The following LY75 variants were observed in gnomAD, a reference collection of about 807,000 sequenced individuals.
LY75 encodes C-type lectin domain family 13 member B.
Under a neutral mutation model 231.7 loss-of-function variants are expected in LY75, and 185 were observed. That is an observed-to-expected ratio of 0.80 (90% CI 0.71 to 0.90). LY75 has a LOEUF of 0.90. LY75 is among the 40% of genes least tolerant of loss of function. The pLI is 0.00. For synonymous variants in LY75, 668 were observed against 689.0 expected, an observed-to-expected ratio of 0.97 and a Z score of 0.48; for missense variants, 1,947 against 2,050.2, an observed-to-expected ratio of 0.95 and a Z score of 0.97.
intron 28 of LY75, among the ~76,000 whole-genome samples, 193 bp from the exon 29 acceptor site, chr2:159,820,113 A>G (rs1355179362): frequency 6.6e-6 from 1 of 152,232 alleles, no homozygotes; most frequent in African/African-American, 2.4e-5. Flanking sequence ...TTTGAATATA[A>G]ATACAAACTA....
Position 159,805,199 on chromosome 2 carries a change from T to C in LY75, c.5014A>G (p.Ile1672Val), listed in dbSNP as rs760473440. Residue 1672 changes from isoleucine to valine, a missense_variant, in exon 35 of 35, where the codon ATC becomes GTC. Physicochemically the swap from Ile to Val is conservative, Grantham distance 29 (BLOSUM62 3). Transcript: ENST00000263636. Reference sequence around the variant, plus strand: ...AAGATACTTAGTGTGGCAACTATGATAGCTATTGCTGTGTAATCAGGGCCT... The same window carrying C: ...AAGATACTTAGTGTGGCAACTATGACAGCTATTGCTGTGTAATCAGGGCCT... ...PLGPDYTAIAIIVATLSILVL... is the reference protein window; with the variant it reads ...PLGPDYTAIAVIVATLSILVL... The C allele has an allele frequency of 5.6e-6, 9 of 1,614,092 alleles. No individual in the cohort carries two copies. Among genetic ancestry groups the C allele is most frequent in the South Asian group, 4.4e-5 (4 of 91,066 alleles).
intron 14 of LY75, 92 bp from the exon 15 acceptor site, chr2:159,860,981 C>A: frequency 7.4e-7 from 1 of 1,352,226 alleles, no homozygotes; most frequent in South Asian, 1.2e-5. Flanking sequence ...CACTCAAGTG[C>A]GTTGATATGC....
At chr2:159,898,491 C>T (rs1469998706) in intron 2 of LY75, among the ~76,000 whole-genome samples, 197 bp downstream of exon 2, 1 of 152,166 alleles carries the variant, frequency 6.6e-6, no homozygotes, top group African/African-American at 2.4e-5. Context: ...TCTCTCTTAG[C>T]CTTACCTGCA....
intron 11 of LY75, 131 bp downstream of exon 11, chr2:159,878,193 C>A (rs1217033466): frequency 4.0e-6 from 5 of 1,261,794 alleles, no homozygotes. Flanking sequence ...TTTATGGTTC[C>A]ATAGATAGAC....
intron 8 of LY75, 158 bp from the exon 9 acceptor site, chr2:159,879,527 G>T: frequency 1.8e-6 from 1 of 562,750 alleles, no homozygotes; most frequent in Non-Finnish European, 2.3e-6. Flanking sequence ...CTACTCAACA[G>T]GCCTGCAAAG....
chr2:159,840,970 A>AAAC lies in LY75; in HGVS notation c.3281-18_3281-16dup, dbSNP rs371419571. 31 of 1,610,396 alleles carry AAAC rather than the reference A, an allele frequency of 1.9e-5. No homozygotes were observed. Among genetic ancestry groups the AAAC allele is most frequent in the African/African-American group, 2.7e-5 (2 of 74,802 alleles). On this transcript the variant is annotated splice_polypyrimidine_tract_variant and intron_variant, in intron 24 of 34. Transcript: ENST00000263636. The stretch of plus-strand genomic sequence containing the variant: ...GCTTTTAACTTCTGCATGTAAAAGA[A>AAAC]AACAACAACAACAACAAACCCTTCC...
Position 159,858,529 on chromosome 2 carries a change from G to A in LY75, c.2269-53C>T, listed in dbSNP as rs538576530. 5.1e-5 allele frequency: 79 copies of A among 1,556,682 alleles called. 1 individual carries two copies. The African/African-American group carries it at 1.0e-3, about 20-fold the overall frequency. On this transcript the variant is annotated intron_variant, in intron 15 of 34. Transcript: ENST00000263636. ...TTTTGAAGTTGATACATCCCTTATG[G>A]AACACTAAACTGTAAGCCCTATGAC...
intron 23 of LY75, among the ~76,000 whole-genome samples, chr2:159,849,741 T>C (rs1290224186): frequency 6.6e-6 from 1 of 152,106 alleles, no homozygotes; most frequent in East Asian, 1.9e-4. Context: ...ACCCCATAAA[T>C]CTTAGAACAT....
In LY75 at chr2:159,882,114, A is replaced by T. The variant is rs912336092; in HGVS notation, c.1246+10T>A. On this transcript the variant is annotated intron_variant, in intron 7 of 34. Transcript: ENST00000263636. ...TAAGCCTCTCAAATAGGGTATTTTT[A>T]AAAACTTACCCTCATTATGGAGTTT... 1.9e-6 allele frequency: 3 copies of T among 1,606,368 alleles called. No homozygotes were observed. The highest frequency in any genetic ancestry group is 1.7e-6 in the Non-Finnish European group (2 of 1,176,344).
chr2:159,880,984 A>C (rs2729712), intron 8 of LY75, 99 bp downstream of exon 8: 1,368,828 of 1,445,728 alleles, frequency 0.95, 652,367 homozygotes, highest in East Asian at 1. Context: ...CTTACCTTTT[A>C]TTTTCCAGCT....
chr2:159,860,369 A>T (rs1684668246), intron 15 of LY75, among the ~76,000 whole-genome samples: 1 of 152,132 alleles, frequency 6.6e-6, no homozygotes, highest in African/African-American at 2.4e-5. Flanking sequence ...CACCAATGAA[A>T]CTTCTTGATC....
intron 28 of LY75, among the ~76,000 whole-genome samples, chr2:159,821,475 G>A (rs1383159536): frequency 6.6e-6 from 1 of 151,852 alleles, no homozygotes; most frequent in Admixed American, 6.6e-5. Flanking sequence ...AATTAGCTGG[G>A]CGTGGTGGCG....
intron 18 of LY75, 98 bp downstream of exon 18, chr2:159,854,260 AAT>A: frequency 8.4e-6 from 8 of 949,134 alleles, no homozygotes; most frequent in Non-Finnish European, 1.1e-5. Context: ...ATTAAAGAAA[AAT>A]TTAACTTTTG....
rs778794107 is a variant in LY75 at position 159,806,957 on chromosome 2, C to T, written c.4990+16G>A. The T allele has an allele frequency of 1.2e-6, 2 of 1,603,208 alleles. No individual in the cohort carries two copies. Among genetic ancestry groups the T allele is most frequent in the South Asian group, 1.1e-5 (1 of 89,138 alleles). ...TGTTCTGCAAAAAGTCTCCTAAGGA[C>T]AGGTTCCATACTTACCCAGAGGCAC... On this transcript the variant is annotated intron_variant, in intron 34 of 34. Coordinates refer to ENST00000263636, the MANE Select transcript of LY75 (RefSeq NM_002349.4).
At chr2:159,843,163 C>G (rs796255046) in intron 23 of LY75, among the ~76,000 whole-genome samples, 53 of 151,574 alleles carry the variant, frequency 3.5e-4, no homozygotes, top group African/African-American at 1.3e-3. Flanking sequence ...AAAAACAGAA[C>G]CCCACGAAAA....
At chr2:159,837,610 C>A (rs368713542) in intron 25 of LY75, among the ~76,000 whole-genome samples, 5 of 151,658 alleles carry the variant, frequency 3.3e-5, no homozygotes, top group Admixed American at 2.6e-4. Context: ...TGTATTGTAA[C>A]AATCCTGCAT....
intron 8 of LY75, among the ~76,000 whole-genome samples, chr2:159,879,938 A>T (rs1685384753): frequency 6.6e-6 from 1 of 152,202 alleles, no homozygotes; most frequent in East Asian, 1.9e-4. Context: ...ATTAAATTCT[A>T]ATAAGTCGAT....
In LY75 at chr2:159,815,552, A is replaced by C. The variant is rs1350877370; in HGVS notation, c.4402T>G (p.Trp1468Gly). Residue 1468 changes from tryptophan to glycine, a missense_variant, in exon 31 of 35, where the codon TGG becomes GGG. By Grantham distance (184) the Trp-to-Gly change is radical. Coordinates refer to ENST00000263636, the MANE Select transcript of LY75 (RefSeq NM_002349.4). The part of the protein sequence containing the change: ...SHDGSESSFE[W>G]SDGSTFDYIP... Reference sequence around the variant, plus strand: ...TAGTCAAATGTACTACCATCAGACCATTCAAAACTTGATTCACTTCCCTGT... The same window carrying C: ...TAGTCAAATGTACTACCATCAGACCCTTCAAAACTTGATTCACTTCCCTGT... 6.2e-7 allele frequency: 1 copy of C among 1,612,242 alleles called. No individual in the cohort carries two copies. The highest frequency in any genetic ancestry group is 1.1e-5 in the South Asian group (1 of 90,614).
Position 159,898,779 on chromosome 2 carries a change from C to T in LY75, c.375G>A (p.Leu125=). 6.2e-7 allele frequency: 1 copy of T among 1,614,240 alleles called. No individual in the cohort carries two copies. The highest frequency in any genetic ancestry group is 8.5e-7 in the Non-Finnish European group (1 of 1,180,042). Residue 125 remains leucine, a synonymous_variant, in exon 2 of 35, where the codon CTG becomes CTA. Coordinates refer to ENST00000263636, the MANE Select transcript of LY75 (RefSeq NM_002349.4). ...AGATTGCTGTGCCATGTCCATCCTT[C>T]AGAGCCAGCCGGTACCGGGCAGCTC... is the stretch of plus-strand genomic sequence containing the variant. ...LYGAARYRLA[L]KDGHGTAISN...
Sources: allele counts gnomAD v4.1 joint callset (sites outside exome capture counted in the v4.1 genomes callset), GRCh38; gene constraint gnomAD v4.1.1; transcripts MANE v1.5; gene names NCBI Gene and HGNC (gene_info 2026-07-23, HGNC 2026-07-21).